Variants in NUDT21 observed in about 807,000 individuals in gnomAD.
NUDT21 encodes cleavage and polyadenylation specificity factor subunit 5.
Under a neutral mutation model 29.8 loss-of-function variants are expected in NUDT21, and 5 were observed. The observed-to-expected ratio is 0.17, with a 90% CI of 0.09 to 0.35. The LOEUF (loss-of-function observed/expected upper bound fraction) is 0.35, where lower values mean the gene tolerates loss of function less well. Among genes scored for constraint, NUDT21 ranks in the 10% least tolerant of loss-of-function variants. The probability of loss-of-function intolerance (pLI) is 1.00; values close to 1 mark genes in which losing one functional copy is unlikely to be tolerated. For missense variants in NUDT21, 76 were observed against 276.0 expected (o/e 0.28, Z 5.13); for synonymous variants, 113 against 98.5 (o/e 1.15, Z -0.87).
chr16:56,448,264 T>G (rs560002058), intron 1 of NUDT21, among the ~76,000 whole-genome samples: 33 of 152,368 alleles, frequency 2.2e-4, no homozygotes, highest in African/African-American at 7.2e-4. Flanking sequence ...GAAATGGTTA[T>G]CTGAACATTA....
chr16:56,444,258 T>C (rs1400018339), intron 3 of NUDT21, among the ~76,000 whole-genome samples: 1 of 151,974 alleles, frequency 6.6e-6, no homozygotes, highest in Non-Finnish European at 1.5e-5. Flanking sequence ...TCCTCCAGCC[T>C]GAGGAACAGA....
intron 1 of NUDT21, among the ~76,000 whole-genome samples, chr16:56,450,591 T>C (rs1440216090): frequency 3.3e-5 from 5 of 152,172 alleles, no homozygotes; most frequent in Admixed American, 2.6e-4. Flanking sequence ...AACTGAAGTA[T>C]TAAGTGGCAC....
chr16:56,448,295 C>T (rs972806890), intron 1 of NUDT21, among the ~76,000 whole-genome samples: 8 of 152,158 alleles, frequency 5.3e-5, no homozygotes, highest in African/African-American at 9.7e-5. Flanking sequence ...GGTTTTATAC[C>T]ATGGCTGCTA....
Position 56,430,332 on chromosome 16 carries a change from CT to C in NUDT21, c.*2379del, listed in dbSNP as rs1265795767. 6 of 152,152 alleles carry C rather than the reference CT, an allele frequency of 3.9e-5. No homozygotes were observed. The highest frequency in any genetic ancestry group is 2.1e-4 in the South Asian group (1 of 4,828). 9.4% of individuals were successfully genotyped at this position (152,152 alleles called of 1,614,324 possible). On this transcript the variant is annotated 3_prime_UTR_variant, in exon 7 of 7. Coordinates refer to ENST00000300291, the MANE Select transcript of NUDT21 (RefSeq NM_007006.3). ...GTATAAACCTTTATAGTTTTTCCCC[CT>C]AATCTACTAAACATATTCCAGTGTC...
intron 3 of NUDT21, among the ~76,000 whole-genome samples, chr16:56,446,328 G>C (rs1391972516): frequency 6.6e-6 from 1 of 152,134 alleles, no homozygotes; most frequent in Admixed American, 6.5e-5. Flanking sequence ...ACTTCCTACA[G>C]TTGTGGTGGT....
chr16:56,436,039 T>C (rs1178469598), intron 4 of NUDT21, among the ~76,000 whole-genome samples: 1 of 148,912 alleles, frequency 6.7e-6, no homozygotes, highest in African/African-American at 2.5e-5. Context: ...ATGTATATTT[T>C]AGAGAATTTA....
chr16:56,448,555 C>G, intron 1 of NUDT21, among the ~76,000 whole-genome samples: 1 of 152,174 alleles, frequency 6.6e-6, no homozygotes, highest in Non-Finnish European at 1.5e-5. Flanking sequence ...TCCTCTAAAC[C>G]TATTTACTAG....
intron 1 of NUDT21, chr16:56,449,367 T>C (rs1214396900): frequency 3.3e-5 from 5 of 152,210 alleles, no homozygotes; most frequent in Non-Finnish European, 7.3e-5. Flanking sequence ...TCCTCACCAC[T>C]GTATATCCAG....
At chr16:56,440,765 A>G (rs1222790357) in intron 3 of NUDT21, among the ~76,000 whole-genome samples, 1 of 152,068 alleles carries the variant, frequency 6.6e-6, no homozygotes, top group Non-Finnish European at 1.5e-5. Context: ...TTTGAGACGG[A>G]GTTTTGCTCA....
intron 4 of NUDT21, among the ~76,000 whole-genome samples, chr16:56,436,928 G>A (rs533034736): frequency 6.6e-5 from 10 of 152,302 alleles, no homozygotes; most frequent in East Asian, 1.9e-4. Flanking sequence ...GGGGAGATGA[G>A]TGAAGATATT....
intron 2 of NUDT21, 30 bp from the exon 3 acceptor site, chr16:56,446,719 A>T: frequency 7.4e-7 from 1 of 1,348,666 alleles, no homozygotes; most frequent in Non-Finnish European, 1.0e-6. Context: ...TTCAGCTTTC[A>T]ACTTAATACA....
intron 1 of NUDT21, 126 bp from the exon 2 acceptor site, chr16:56,448,115 C>T (rs1440780091): frequency 8.1e-6 from 6 of 741,686 alleles, no homozygotes; most frequent in Admixed American, 2.8e-5. Context: ...AGGATTTGTA[C>T]AGTTAACTAA....
At chr16:56,447,543 C>T (rs1962233204) in intron 2 of NUDT21, 1 of 481,264 alleles carries the variant, frequency 2.1e-6, no homozygotes, top group African/African-American at 2.0e-5. Context: ...CTCAACTATT[C>T]CATGGGGTTT....
intron 3 of NUDT21, among the ~76,000 whole-genome samples, chr16:56,441,949 G>C (rs1243336525): frequency 6.6e-6 from 1 of 152,048 alleles, no homozygotes; most frequent in Admixed American, 6.5e-5. Context: ...GAGCGCAATG[G>C]CGCGATCTCC....
rs538240323 is a variant in NUDT21, at chr16:56,437,943, T to C, written c.471+1714A>G. ...CTTCAGTAATACATAAGTTTCTTTT[T>C]ATATGAGGATCACAACCCTTATGAA... On this transcript the variant is annotated intron_variant, in intron 4 of 6. Coordinates refer to ENST00000300291, the MANE Select transcript of NUDT21 (RefSeq NM_007006.3). 4.6e-4 allele frequency among the ~76,000 whole-genome samples: 70 copies of C among 152,348 alleles called. 2 individuals carry two copies. In the South Asian group the frequency reaches 7.7e-3, roughly 17 times the overall value.
chr16:56,433,757 A>G (rs1197310893), intron 6 of NUDT21, among the ~76,000 whole-genome samples: 1 of 151,998 alleles, frequency 6.6e-6, no homozygotes, highest in Non-Finnish European at 1.5e-5. Flanking sequence ...GCGTGATCTC[A>G]GTTCATTGCA....
rs1226907008 is a variant in NUDT21, at chr16:56,431,702, A to C, written c.*1010T>G. The C allele has an allele frequency of 6.6e-6, 1 of 152,174 alleles. No homozygotes were observed. The highest frequency in any genetic ancestry group is 6.5e-5 in the Admixed American group (1 of 15,284). 9.4% of individuals were successfully genotyped at this position (152,174 alleles called of 1,614,324 possible). ...TTGCTCTAATATTTTTTATTCCCCC[A>C]AATTTGATCCGAATTTATCAGTATT... On this transcript the variant is annotated 3_prime_UTR_variant, in exon 7 of 7. Coordinates refer to ENST00000300291, the MANE Select transcript of NUDT21 (RefSeq NM_007006.3).
chr16:56,443,547 T>C (rs1453037755), intron 3 of NUDT21, among the ~76,000 whole-genome samples: 1 of 152,208 alleles, frequency 6.6e-6, no homozygotes, highest in Non-Finnish European at 1.5e-5. Context: ...CCCAAACTCA[T>C]GTTGAAATTT....
At chr16:56,437,998 G>A (rs1962123279) in intron 4 of NUDT21, among the ~76,000 whole-genome samples, 1 of 152,014 alleles carries the variant, frequency 6.6e-6, no homozygotes, top group African/African-American at 2.4e-5. Context: ...TCATCAATGA[G>A]CTGCTAACAT....
Sources: allele counts gnomAD v4.1 joint callset (sites outside exome capture counted in the v4.1 genomes callset), GRCh38; gene constraint gnomAD v4.1.1; transcripts MANE v1.5; gene names NCBI Gene and HGNC (gene_info 2026-07-23, HGNC 2026-07-21).